Variants in KMT2D observed in about 807,000 individuals in gnomAD.
The protein encoded by KMT2D is histone-lysine N-methyltransferase 2D.
Under a neutral mutation model 512.7 loss-of-function variants are expected in KMT2D, and 55 were observed. The observed-to-expected ratio is 0.11, with a 90% CI of 0.09 to 0.13. KMT2D has a LOEUF of 0.13. KMT2D is among the 10% of genes least tolerant of loss of function. The probability of loss-of-function intolerance (pLI) is 1.00; values close to 1 mark genes in which losing one functional copy is unlikely to be tolerated. For synonymous variants in KMT2D, 2,995 were observed against 2,904.0 expected (o/e 1.03, Z -1.01); for missense variants, 6,061 against 7,127.9 (o/e 0.85, Z 5.39).
In KMT2D at chr12:49,042,171, A is replaced by G. The variant is rs1943568649; in HGVS notation, c.6027T>C (p.Asp2009=). The G allele has an allele frequency of 6.2e-7, 1 of 1,612,370 alleles. No homozygotes were observed. The highest frequency in any genetic ancestry group is 1.1e-5 in the South Asian group (1 of 90,660). Residue 2009 remains aspartate (D), a synonymous_variant, in exon 29 of 55, where the codon GAT becomes GAC. Coordinates refer to ENST00000301067, the MANE Select transcript of KMT2D (RefSeq NM_003482.4). The surrounding 1 kb of genome is among the most constrained non-coding windows in gnomAD (Gnocchi z 4.4). ...NQRSLQRWEK[D]EELGQLSTIS... ...TGGTGGACAGCTGGCCCAACTCCTC[A>G]TCCTTCTCCCAGCGCTGAAGACTCC...
In KMT2D at chr12:49,024,601, A is replaced by C. The variant is rs753303439; in HGVS notation, c.16029T>G (p.Pro5343=). ...INPTGCARSE[P]KILTHYKRPH... ...ACCGTTTGTAGTGTGTGAGGATTTT[A>C]GGCTCTGATCGGGCACAGCCAGTGG... The change falls in exon 51 of 55, where the codon CCT becomes CCG. Residue 5343 remains proline (P), a synonymous_variant. Coordinates refer to ENST00000301067, the MANE Select transcript of KMT2D (RefSeq NM_003482.4). The surrounding 1 kb of genome is among the most constrained non-coding windows in gnomAD (Gnocchi z 4.5). 6.2e-7 allele frequency: 1 copy of C among 1,613,240 alleles called. No individual in the cohort carries two copies.
rs761860093 is a variant in KMT2D at position 49,028,130 on chromosome 12, G to A, written c.14394C>T (p.Gly4798=). 19 of 1,613,810 alleles carry A rather than the reference G, an allele frequency of 1.2e-5. No individual in the cohort carries two copies. Among genetic ancestry groups the A allele is most frequent in the Admixed American group, 1.2e-4 (7 of 59,976 alleles). ...VSAAAAKNLN[G]VMVAVAELLS... ...GCAGCTCCGCCACTGCCACCATCAC[G>A]CCATTCAGGTTCTGCCAGGGCCAGG... The change falls in exon 47 of 55, where the codon GGC becomes GGT. Residue 4798 remains glycine, a synonymous_variant. Transcript: ENST00000301067.
intron 12 of KMT2D, 70 bp from the exon 13 acceptor site, chr12:49,049,288 A>T: frequency 2.1e-6 from 2 of 974,842 alleles, no homozygotes; most frequent in East Asian, 5.2e-5. Flanking sequence ...ACACTTGAAC[A>T]GAAGAAGTGA....
rs1943431995 is a variant in KMT2D, at chr12:49,040,095, G to A, written c.7675C>T (p.Pro2559Ser). 1 of 1,613,830 alleles carries A rather than the reference G, an allele frequency of 6.2e-7. No homozygotes were observed. Among genetic ancestry groups the A allele is most frequent in the African/African-American group, 1.3e-5 (1 of 74,948 alleles). ...PPVPQPGLPP[P>S]HGINSHFGPG... The stretch of plus-strand genomic sequence containing the variant: ...CCAAAATGGCTGTTGATCCCATGGG[G>A]TGGCGGGAGACCAGGCTGAGGGACA... Residue 2559 changes from proline (P) to serine (S), a missense_variant, in exon 32 of 55, where the codon CCC (proline) becomes TCC (serine). Transcript: ENST00000301067.
At chr12:49,052,818 G>A in intron 9 of KMT2D, 97 bp downstream of exon 9, 1 of 1,586,236 alleles carries the variant, frequency 6.3e-7, no homozygotes, top group South Asian at 1.1e-5. Flanking sequence ...CCCACCTTAG[G>A]GCTCTCCTCT....
Position 49,041,892 on chromosome 12 carries a change from TA to T in KMT2D, c.6183+24del. ...CCTCCCTCCCTCTCAGTTCCCACGC[TA>T]ATCCATGCTCCTTTCTGCCTCACCA... On this transcript the variant is annotated intron_variant, in intron 30 of 54. Transcript: ENST00000301067. This position sits in a 1 kb window ranked among gnomAD's most constrained non-coding sequence, Gnocchi z 5.4. The T allele has an allele frequency of 6.3e-7, 1 of 1,588,182 alleles. No individual in the cohort carries two copies. The highest frequency in any genetic ancestry group is 8.6e-7 in the Non-Finnish European group (1 of 1,165,000).
At position 49,054,231 on chromosome 12, in the gene KMT2D, C is replaced by A; in HGVS notation, c.510+76G>T. On this transcript the variant is annotated intron_variant, in intron 5 of 54. Transcript: ENST00000301067. This position sits in a 1 kb window ranked among gnomAD's most constrained non-coding sequence, Gnocchi z 6.4. ...GCTCTGCCCCAGTATACCCATGGTCCTTCTCATTCCAACCTGACTCTCAGA... is the reference window on the plus strand; with the variant it reads ...GCTCTGCCCCAGTATACCCATGGTCATTCTCATTCCAACCTGACTCTCAGA... 6.5e-7 allele frequency: 1 copy of A among 1,534,554 alleles called. No individual in the cohort carries two copies. Among genetic ancestry groups the A allele is most frequent in the Non-Finnish European group, 8.8e-7 (1 of 1,132,524 alleles).
In KMT2D at chr12:49,033,168, C is replaced by T. The variant is rs1565777980; in HGVS notation, c.11537G>A (p.Gly3846Asp). ...TGTGACCAGCCTGTGTCCCATAAGG[C>T]CCTGACCCTGCTGTGCCAGCTGGGG... ...SSPQLAQQGQ[G>D]LMGHRLVTAQ... Residue 3846 changes from glycine to aspartate, a missense_variant, in exon 40 of 55, where the codon GGC (glycine) becomes GAC (aspartate). This residue lies in a region of KMT2D where 1,600 missense variants were observed against 1,754.9 expected (regional missense o/e 0.91). Transcript: ENST00000301067. The T allele has an allele frequency of 6.5e-7, 1 of 1,550,054 alleles. No individual in the cohort carries two copies. Among genetic ancestry groups the T allele is most frequent in the East Asian group, 2.4e-5 (1 of 40,836 alleles).
In KMT2D at chr12:49,051,257, T is replaced by TG. The variant is rs1937976668; in HGVS notation, c.2425dup (p.Gln809ProfsTer3). On this transcript the variant is annotated frameshift_variant, in exon 11 of 55. Transcript: ENST00000301067. LOFTEE classifies it high-confidence loss of function. ...AGGAGACAGGTGCGGCTCCTCAGTC[T>TG]GGGGGGACAGGTGCAATTCCTCAGG... 1 of 1,463,540 alleles carries TG rather than the reference T, an allele frequency of 6.8e-7. No homozygotes were observed. Among genetic ancestry groups the TG allele is most frequent in the Non-Finnish European group, 9.0e-7 (1 of 1,105,380 alleles). The allele number at this position is 1,463,540 out of a possible 1,614,324, so 90.7% of individuals were successfully genotyped here. A position where few individuals can be genotyped will look rare whatever the true frequency, so the allele number is the denominator to read the frequency against.
chr12:49,048,101 A>C (rs953813294), intron 14 of KMT2D, 32 bp from the exon 15 acceptor site: 4 of 1,437,458 alleles, frequency 2.8e-6, no homozygotes, highest in Non-Finnish European at 3.9e-6. Context: ...CAAATGTCCA[A>C]CTAGATCTCC....
chr12:49,022,731 C>G lies in KMT2D; in HGVS notation c.16197G>C (p.Val5399=), dbSNP rs776542344. Residue 5399 remains valine (V), a synonymous_variant, in exon 52 of 55, where the codon GTG becomes GTC. Transcript: ENST00000301067. This position sits in a 1 kb window ranked among gnomAD's most constrained non-coding sequence, Gnocchi z 8.6. The part of the protein sequence containing the change: ...RRLRTEWKNN[V]YLARSRIQGL... ...CCTGGATACGGGAGCGAGCCAGGTA[C>G]ACGTTGTTCTTCCATTCGGTGCGCA... The G allele has an allele frequency of 6.2e-7, 1 of 1,614,008 alleles. No homozygotes were observed. The highest frequency in any genetic ancestry group is 1.7e-5 in the Admixed American group (1 of 60,028).
rs201628357 is a variant in KMT2D at position 49,026,280 on chromosome 12, C to T, written c.15686G>A (p.Arg5229His). The stretch of plus-strand genomic sequence containing the variant: ...CCCGTTGTTCTCACCAATAGAACAG[C>T]GATAGCAGCAGCGACGATTGTTGGT... ...LRTNNRRCCY[R>H]CSIGENNGRP... is the part of the protein sequence containing the mutation. Residue 5229 changes from arginine to histidine, a missense_variant, in exon 49 of 55, where the codon CGC (arginine) becomes CAC (histidine). Coordinates refer to ENST00000301067, the MANE Select transcript of KMT2D (RefSeq NM_003482.4). The surrounding 1 kb of genome is among the most constrained non-coding windows in gnomAD (Gnocchi z 9.6). 56 of 1,611,488 alleles carry T rather than the reference C, an allele frequency of 3.5e-5. No individual in the cohort carries two copies. Among genetic ancestry groups the T allele is most frequent in the Non-Finnish European group, 4.5e-5 (53 of 1,177,856 alleles).
At chr12:49,059,587 G>A (rs984512266) in intron 1 of KMT2D, 26 bp downstream of exon 1, 1 of 152,230 alleles carries the variant, frequency 6.6e-6, no homozygotes, top group Non-Finnish European at 1.5e-5. Context: ...CCCTTTCTGG[G>A]CCCTGGCCGG....
rs1010763258 is a variant in KMT2D, at chr12:49,029,057, A to T, written c.14251+4T>A. ...GCCTGGCCCACATCCAGAGTAGCAC[A>T]TACCTGGGATGCTGGCCCGAGGAAT... On this transcript the variant is annotated splice_donor_region_variant and intron_variant, in intron 45 of 54. Coordinates refer to ENST00000301067, the MANE Select transcript of KMT2D (RefSeq NM_003482.4). 3.7e-6 allele frequency: 6 copies of T among 1,601,892 alleles called. No individual in the cohort carries two copies. Among genetic ancestry groups the T allele is most frequent in the African/African-American group, 1.3e-5 (1 of 74,748 alleles).
chr12:49,047,256 C>G (rs1943832821), intron 15 of KMT2D, among the ~76,000 whole-genome samples: 1 of 152,122 alleles, frequency 6.6e-6, no homozygotes, highest in African/African-American at 2.4e-5. Flanking sequence ...GTCCCCAAAA[C>G]AGTGACTCTA....
rs199551429 is a variant in KMT2D, at chr12:49,028,803, G to A, written c.14382+25C>T. 1.9e-5 allele frequency: 31 copies of A among 1,611,732 alleles called. No homozygotes were observed. The East Asian group carries it at 6.9e-4, about 36-fold the overall frequency. ...CTGCCCTCTGATCAGGTTCCCCTCAGCCTCGAGGTACCCCTAGGACACACC... is the reference window on the plus strand; with the variant it reads ...CTGCCCTCTGATCAGGTTCCCCTCAACCTCGAGGTACCCCTAGGACACACC... On this transcript the variant is annotated intron_variant, in intron 46 of 54. Coordinates refer to ENST00000301067, the MANE Select transcript of KMT2D (RefSeq NM_003482.4).
rs1414254989 is a variant in KMT2D at position 49,039,883 on chromosome 12, G to A, written c.7887C>T (p.Ser2629=). The A allele has an allele frequency of 6.2e-7, 1 of 1,614,060 alleles. No homozygotes were observed. Among genetic ancestry groups the A allele is most frequent in the Non-Finnish European group, 8.5e-7 (1 of 1,179,900 alleles). The change falls in exon 32 of 55, where the codon TCC becomes TCT. Residue 2629 remains serine, a synonymous_variant. Transcript: ENST00000301067. This position sits in a 1 kb window ranked among gnomAD's most constrained non-coding sequence, Gnocchi z 5.0. ...TGCCTGATCGCTGTGAGGCTCCATG[G>A]GACAGGTAGGGGAGGGATCCGTCGG... is the stretch of plus-strand genomic sequence containing the variant. ...PAPDGSLPYL[S]HGASQRSGIT...
Position 49,037,396 on chromosome 12 carries a change from G to C in KMT2D, c.9960C>G (p.Ala3320=). ...QQQLSLGLAG[A]RQPGLPQPLM... is the part of the protein sequence containing the mutation. ...GTGGCTGGGGCAAACCTGGCTGTCGGGCACCTGCAAGACCCAGGGAAAGCT... is the reference window on the plus strand; with the variant it reads ...GTGGCTGGGGCAAACCTGGCTGTCGCGCACCTGCAAGACCCAGGGAAAGCT... Residue 3320 remains alanine, a synonymous_variant, in exon 35 of 55, where the codon GCC becomes GCG. Coordinates refer to ENST00000301067, the MANE Select transcript of KMT2D (RefSeq NM_003482.4). 6.2e-7 allele frequency: 1 copy of C among 1,606,730 alleles called. No homozygotes were observed. Among genetic ancestry groups the C allele is most frequent in the Non-Finnish European group, 8.5e-7 (1 of 1,177,074 alleles).
At chr12:49,036,058 G>C (rs1362690594) in intron 35 of KMT2D, 1 of 152,184 alleles carries the variant, frequency 6.6e-6, no homozygotes. Flanking sequence ...TAATGAGTCT[G>C]CTATAATGAT....
Sources: gnomAD v4.1 joint callset for allele counts (sites outside exome capture counted in the v4.1 genomes callset) on GRCh38, gnomAD v4.1.1 for gene constraint, gnomAD v4.1.1 regional missense constraint, Gnocchi (gnomAD v3.1) non-coding constraint, MANE v1.5 for transcripts, NCBI Gene and HGNC (gene_info 2026-07-23, HGNC 2026-07-21) for gene names.